CRACD: variants seen among roughly 807,000 people sequenced by gnomAD.
CRACD encodes the protein capping protein inhibiting regulator of actin dynamics, also known as capping protein-inhibiting regulator of actin dynamics.
In CRACD, 56 loss-of-function variants were observed where a neutral mutation model predicts 106.8. The ratio of observed to expected loss-of-function variants is 0.52; its 90% CI spans 0.42 to 0.66. The LOEUF is 0.66. Among genes scored for constraint, CRACD ranks in the 30% least tolerant of loss-of-function variants. CRACD has a pLI of 0.00. For synonymous variants in CRACD, 754 were observed against 670.8 expected (o/e 1.12, Z -1.92); for missense variants, 1,730 against 1,623.2 (o/e 1.07, Z -1.13).
intron 3 of CRACD, among the ~76,000 whole-genome samples, chr4:56,290,587 C>A (rs1743648103): frequency 6.6e-6 from 1 of 152,140 alleles, no homozygotes; most frequent in Admixed American, 6.6e-5. Flanking sequence ...AGTAGAGGGG[C>A]AAGTCCAAAA....
chr4:56,079,028 C>A (rs190177781), intron 1 of CRACD, among the ~76,000 whole-genome samples: 1 of 152,136 alleles, frequency 6.6e-6, no homozygotes, highest in Admixed American at 6.5e-5. Context: ...GTCCAGAGAA[C>A]GGAGCAAGAA....
intron 1 of CRACD, among the ~76,000 whole-genome samples, chr4:56,070,722 C>T (rs534383956): frequency 1.1e-4 from 16 of 152,240 alleles, no homozygotes; most frequent in South Asian, 1.0e-3. Flanking sequence ...CTGCTCTGCT[C>T]GGGGTGGTGA....
At chr4:56,285,770 A>G (rs1469299817) in intron 3 of CRACD, among the ~76,000 whole-genome samples, 1 of 152,190 alleles carries the variant, frequency 6.6e-6, no homozygotes, top group East Asian at 1.9e-4. Context: ...CATATCATAA[A>G]TTTAATTCTA....
At chr4:56,310,557 C>A in intron 5 of CRACD, 109 bp from the exon 6 acceptor site, 1 of 767,412 alleles carries the variant, frequency 1.3e-6, no homozygotes, top group Non-Finnish European at 2.3e-6. Flanking sequence ...GCCAGCTGCA[C>A]CCCTGTGTAG....
chr4:56,095,397 G>T (rs1047726812), intron 1 of CRACD, among the ~76,000 whole-genome samples: 3 of 152,194 alleles, frequency 2.0e-5, no homozygotes, highest in African/African-American at 7.2e-5. Flanking sequence ...AGCGACGGCA[G>T]TAGAGACAAA....
intron 1 of CRACD, among the ~76,000 whole-genome samples, chr4:56,137,090 CA>C (rs1735027771): frequency 6.6e-6 from 1 of 152,070 alleles, no homozygotes; most frequent in African/African-American, 2.4e-5. Flanking sequence ...TCTGTCTTTA[CA>C]CCAACACCTG....
intron 1 of CRACD, among the ~76,000 whole-genome samples, chr4:56,121,750 C>G (rs1041260913): frequency 6.6e-6 from 1 of 152,200 alleles, no homozygotes; most frequent in Non-Finnish European, 1.5e-5. Flanking sequence ...GCTGAATCCA[C>G]TTCCACAGAT....
chr4:56,126,853 A>G (rs924970483), intron 1 of CRACD, among the ~76,000 whole-genome samples: 23 of 152,222 alleles, frequency 1.5e-4, no homozygotes, highest in African/African-American at 4.1e-4. Flanking sequence ...GGTGACTAGC[A>G]GAAACAAGAC....
chr4:56,061,216 G>A (rs760730707), intron 1 of CRACD, among the ~76,000 whole-genome samples: 17 of 152,142 alleles, frequency 1.1e-4, no homozygotes, highest in Non-Finnish European at 2.4e-4. Context: ...TGTCACCCAG[G>A]CTGGAGTGCA....
At chr4:56,158,757 G>T (rs1396934716) in intron 1 of CRACD, among the ~76,000 whole-genome samples, 1 of 152,198 alleles carries the variant, frequency 6.6e-6, no homozygotes, top group Admixed American at 6.5e-5. Flanking sequence ...CCATCAATCA[G>T]CTCTTTAAGG....
In CRACD at chr4:56,196,295, T is replaced by G. The variant is rs1463545931; in HGVS notation, c.-189+16865T>G. ...ACAGTGGGACACTCCCCCTGCCAAT[T>G]TCATAAGCTTTGTGCTCATAGATTT... On this transcript the variant is annotated intron_variant, in intron 2 of 10. Coordinates refer to ENST00000682029, the MANE Select transcript of CRACD (RefSeq NM_001393381.1). The G allele has an allele frequency of 2.0e-5, 3 of 152,778 alleles. No individual in the cohort carries two copies. The Admixed American group carries it at 2.0e-4, about 10-fold the overall frequency. The allele number at this position is 152,778 out of a possible 1,614,324, so 9.5% of individuals were successfully genotyped here. A position where few individuals can be genotyped will look rare whatever the true frequency, so the allele number is the denominator to read the frequency against.
At chr4:56,117,757 A>G (rs1446019378) in intron 1 of CRACD, among the ~76,000 whole-genome samples, 1 of 152,114 alleles carries the variant, frequency 6.6e-6, no homozygotes, top group East Asian at 1.9e-4. Context: ...TATTTTATGA[A>G]TGTTTTTTGT....
At chr4:56,301,734 CG>C (rs1744380999) in intron 4 of CRACD, among the ~76,000 whole-genome samples, 1 of 151,820 alleles carries the variant, frequency 6.6e-6, no homozygotes, top group Non-Finnish European at 1.5e-5. Context: ...TATCTCTCCA[CG>C]GAGTACAGAA....
At chr4:56,250,284 C>T (rs1409522059) in intron 2 of CRACD, among the ~76,000 whole-genome samples, 2 of 151,918 alleles carry the variant, frequency 1.3e-5, no homozygotes, top group African/African-American at 4.8e-5. Context: ...CTTTTTTTCT[C>T]TTGTTCCATC....
At chr4:56,119,667 T>C (rs1411195257) in intron 1 of CRACD, among the ~76,000 whole-genome samples, 1 of 152,060 alleles carries the variant, frequency 6.6e-6, no homozygotes, top group Non-Finnish European at 1.5e-5. Flanking sequence ...ATATATCTCA[T>C]CTAGTTTTAC....
chr4:56,298,158 G>A, intron 3 of CRACD, 56 bp from the exon 4 acceptor site: 1 of 1,568,350 alleles, frequency 6.4e-7, no homozygotes, highest in Non-Finnish European at 8.7e-7. Context: ...ATGGAAAACT[G>A]AATTGCCAAA....
chr4:56,241,654 CAAAT>C lies in CRACD; in HGVS notation c.-188-30663_-188-30660del, dbSNP rs1288004192. On this transcript the variant is annotated intron_variant, in intron 2 of 10. Coordinates refer to ENST00000682029, the MANE Select transcript of CRACD (RefSeq NM_001393381.1). ...TTCATGGTTTAGTGGGGGAGACTGA[CAAAT>C]AAACCAGAGATGACAGTACAGGAAA... Among the ~76,000 whole-genome samples the C allele has an allele frequency of 2.6e-5, 4 of 152,122 alleles. 1 individual carries two copies. Among genetic ancestry groups the C allele is most frequent in the Admixed American group, 2.0e-4 (3 of 15,272 alleles).
chr4:56,327,513 C>T, intron 10 of CRACD, 131 bp from the exon 11 acceptor site: 1 of 780,654 alleles, frequency 1.3e-6, no homozygotes, highest in Non-Finnish European at 2.1e-6. Flanking sequence ...ATACATATTT[C>T]AAAACAATGT....
In CRACD at chr4:56,310,651, C is replaced by G; in HGVS notation, c.286-15C>G. On this transcript the variant is annotated splice_polypyrimidine_tract_variant and intron_variant, in intron 5 of 10. Transcript: ENST00000682029. Reference sequence around the variant, plus strand: ...TGTTCAGGCCTTTGACTTGAATGCTCTCTTACTGTTCCAGTCCAGTGATAC... The same window carrying G: ...TGTTCAGGCCTTTGACTTGAATGCTGTCTTACTGTTCCAGTCCAGTGATAC... 1 of 1,594,046 alleles carries G rather than the reference C, an allele frequency of 6.3e-7. No individual in the cohort carries two copies.
Sources: gnomAD v4.1 joint callset for allele counts (sites outside exome capture counted in the v4.1 genomes callset) on GRCh38, gnomAD v4.1.1 for gene constraint, MANE v1.5 for transcripts, NCBI Gene and HGNC (gene_info 2026-07-23, HGNC 2026-07-21) for gene names.